The following LINGO2 variants were observed in gnomAD, a reference collection of about 807,000 sequenced individuals.
LINGO2 encodes leucine rich repeat and Ig domain containing 2, also known as leucine-rich repeat and immunoglobulin-like domain-containing nogo receptor-interacting protein 2.
A neutral mutation model predicts 30.6 loss-of-function variants in LINGO2; 14 were observed. The ratio of observed to expected loss-of-function variants is 0.46; its 90% confidence interval spans 0.30 to 0.72. The LOEUF (loss-of-function observed/expected upper bound fraction) is 0.72. Among genes scored for constraint, LINGO2 ranks in the 30% least tolerant of loss-of-function variants. LINGO2 has a pLI of 0.07. For missense variants in LINGO2, 729 were observed against 751.7 expected, an observed-to-expected ratio of 0.97 and a Z score of 0.35; for synonymous variants, 317 against 288.5, an observed-to-expected ratio of 1.10 and a Z score of -1.00.
intron 1 of LINGO2, among the ~76,000 whole-genome samples, chr9:28,527,434 C>A (rs1026416186): frequency 1.3e-5 from 2 of 152,102 alleles, no homozygotes; most frequent in Non-Finnish European, 2.9e-5. Flanking sequence ...TTCTCAGGGG[C>A]CTTTCTTCTC....
Position 28,176,479 on chromosome 9 carries a change from G to C in LINGO2, c.-87+118729C>G, listed in dbSNP as rs571301261. Among the ~76,000 whole-genome samples the C allele has an allele frequency of 2.0e-5, 3 of 152,094 alleles. No individual in the cohort carries two copies. The South Asian group carries it at 6.2e-4, about 32-fold the overall frequency. ...CTCCATTAGATGGTTATATCATTGG[G>C]GGTAAAATAACCTGTATTTCAGTGT... is the stretch of plus-strand genomic sequence containing the variant. On this transcript the variant is annotated intron_variant, in intron 4 of 5. Transcript: ENST00000379992.
chr9:28,948,304 T>C, the LINGO2 span, among the ~76,000 whole-genome samples: 3 of 152,118 alleles, frequency 2.0e-5, no homozygotes, highest in East Asian at 5.8e-4. Flanking sequence ...TTTCTAAAAG[T>C]TGAATGAATA....
chr9:28,059,389 G>C (rs970299708), intron 4 of LINGO2, among the ~76,000 whole-genome samples: 1 of 152,044 alleles, frequency 6.6e-6, no homozygotes, highest in Non-Finnish European at 1.5e-5. Flanking sequence ...TTTGTTTCTC[G>C]AACTGTCTTT....
rs1470741856 is a variant in LINGO2 at position 28,148,236 on chromosome 9, AC to A, written c.-86-135832del. 5 of 726,784 alleles carry A rather than the reference AC, an allele frequency of 6.9e-6. No individual in the cohort carries two copies. The African/African-American group carries it at 8.9e-5, about 13-fold the overall frequency. The allele number at this position is 726,784 out of a possible 1,614,324, so 45.0% of individuals were successfully genotyped here. On this transcript the variant is annotated intron_variant, in intron 4 of 5. Transcript: ENST00000379992. This position sits in a 1 kb window ranked among gnomAD's most constrained non-coding sequence, Gnocchi z 5.1. ...ATGAGGCTGTGTCTTATCCCTCGGA[AC>A]ATGGGCACCCCACAGAGGGTCCTGT...
At chr9:28,807,848 C>G in the LINGO2 span, among the ~76,000 whole-genome samples, 2 of 151,932 alleles carry the variant, frequency 1.3e-5, no homozygotes, top group African/African-American at 4.8e-5. Flanking sequence ...TTTTGTGGGT[C>G]AGAATAGTAT....
chr9:29,048,312 G>A, the LINGO2 span, among the ~76,000 whole-genome samples: 1 of 148,010 alleles, frequency 6.8e-6, no homozygotes, highest in African/African-American at 2.5e-5. Flanking sequence ...AGAAATTGAA[G>A]AGGACACCAA....
chr9:28,266,709 A>T lies in LINGO2; in HGVS notation c.-87+28499T>A, dbSNP rs1352476841. Among the ~76,000 whole-genome samples the T allele has an allele frequency of 2.6e-5, 4 of 152,090 alleles. No individual in the cohort carries two copies. The East Asian group carries it at 7.8e-4, about 29-fold the overall frequency. On this transcript the variant is annotated intron_variant, in intron 4 of 5. Transcript: ENST00000379992. ...AGTTAAACCAGAAAGGCAAAACCTA[A>T]ATTGGGTTAATATTCTTGCTCTGTG...
the LINGO2 span, among the ~76,000 whole-genome samples, chr9:28,927,391 C>T: frequency 2.0e-5 from 3 of 152,118 alleles, no homozygotes. Flanking sequence ...ATGGAACAGA[C>T]TGAGAAAACA....
intron 4 of LINGO2, among the ~76,000 whole-genome samples, chr9:28,238,159 G>C (rs566540959): frequency 2.5e-4 from 38 of 151,650 alleles, no homozygotes; most frequent in African/African-American, 8.7e-4. Context: ...TAAAGAGAGA[G>C]AGAGAGAGAG....
At chr9:28,856,209 C>G in the LINGO2 span, among the ~76,000 whole-genome samples, 1 of 151,936 alleles carries the variant, frequency 6.6e-6, no homozygotes, top group Admixed American at 6.6e-5. Context: ...GTTTCATTTC[C>G]ACAGAGATTT....
chr9:28,653,763 G>A (rs2135982433), intron 1 of LINGO2, among the ~76,000 whole-genome samples: 1 of 151,998 alleles, frequency 6.6e-6, no homozygotes, highest in South Asian at 2.1e-4. Flanking sequence ...GTTTTTTGCT[G>A]ATCTTTATTC....
chr9:28,971,171 G>A, the LINGO2 span, among the ~76,000 whole-genome samples: 1 of 152,172 alleles, frequency 6.6e-6, no homozygotes, highest in Admixed American at 6.5e-5. Flanking sequence ...AAAAAACCCA[G>A]TCCTGACAGC....
At chr9:28,366,004 A>T (rs1187073442) in intron 3 of LINGO2, among the ~76,000 whole-genome samples, 1 of 152,068 alleles carries the variant, frequency 6.6e-6, no homozygotes, top group Non-Finnish European at 1.5e-5. Flanking sequence ...AGATGTCAGA[A>T]TTTCACCCTT....
the LINGO2 span, among the ~76,000 whole-genome samples, chr9:29,161,280 T>C: frequency 1.3e-5 from 2 of 152,188 alleles, no homozygotes; most frequent in Non-Finnish European, 2.9e-5. Flanking sequence ...AGAGAGCTGC[T>C]GAATAAAACC....
At chr9:28,880,799 T>C in the LINGO2 span, among the ~76,000 whole-genome samples, 2 of 152,144 alleles carry the variant, frequency 1.3e-5, no homozygotes, top group Non-Finnish European at 2.9e-5. Flanking sequence ...AAAACCGCCC[T>C]ATGGTGAGAG....
chr9:28,250,384 G>A (rs1027398878), intron 4 of LINGO2, among the ~76,000 whole-genome samples: 2 of 152,198 alleles, frequency 1.3e-5, no homozygotes, highest in Non-Finnish European at 2.9e-5. Context: ...ATTTAGCACA[G>A]TGGTGAGTTT....
At chr9:28,841,465 CTATT>C in the LINGO2 span, among the ~76,000 whole-genome samples, 4 of 151,678 alleles carry the variant, frequency 2.6e-5, no homozygotes, top group East Asian at 3.9e-4. Context: ...AAAACATACA[CTATT>C]TAAGGCATTA....
At chr9:29,033,058 T>A in the LINGO2 span, among the ~76,000 whole-genome samples, 1 of 152,158 alleles carries the variant, frequency 6.6e-6, no homozygotes, top group Non-Finnish European at 1.5e-5. Context: ...TTTATTCACA[T>A]ATCACTCATC....
At chr9:28,306,940 G>A (rs1160403647) in intron 3 of LINGO2, among the ~76,000 whole-genome samples, 1 of 152,040 alleles carries the variant, frequency 6.6e-6, no homozygotes, top group Non-Finnish European at 1.5e-5. Flanking sequence ...ATAATCAATA[G>A]CTTACCAACC....
Sources: allele counts gnomAD v4.1 joint callset (sites outside exome capture counted in the v4.1 genomes callset), GRCh38; gene constraint gnomAD v4.1.1; non-coding constraint Gnocchi (gnomAD v3.1); transcripts MANE v1.5; gene names NCBI Gene and HGNC (gene_info 2026-07-23, HGNC 2026-07-21).